Variants in FAM13A observed in about 807,000 individuals in gnomAD.
FAM13A encodes protein FAM13A.
In FAM13A, 76 loss-of-function variants were observed where a neutral mutation model predicts 129.6. The ratio of observed to expected loss-of-function variants is 0.59; its 90% CI spans 0.49 to 0.71. The LOEUF (loss-of-function observed/expected upper bound fraction) is 0.71. Ranked by LOEUF, FAM13A falls within the 30% of genes least tolerant of loss-of-function variation. The probability of loss-of-function intolerance (pLI) is 0.00; values close to 1 mark genes in which losing one functional copy is unlikely to be tolerated. For missense variants in FAM13A, 1,108 were observed against 1,249.3 expected, an observed-to-expected ratio of 0.89 and a Z score of 1.70; for synonymous variants, 443 against 449.9, an observed-to-expected ratio of 0.98 and a Z score of 0.20.
intron 4 of FAM13A, among the ~76,000 whole-genome samples, chr4:88,977,767 A>T (rs989244594): frequency 6.6e-6 from 1 of 152,216 alleles, no homozygotes; most frequent in Non-Finnish European, 1.5e-5. Flanking sequence ...GACTTGAAGC[A>T]TACTTACTAA....
At chr4:88,981,991 C>T (rs571864509) in intron 4 of FAM13A, among the ~76,000 whole-genome samples, 2 of 152,274 alleles carry the variant, frequency 1.3e-5, no homozygotes, top group East Asian at 3.9e-4. Flanking sequence ...GAGCAGGTGG[C>T]TTGTTGACCC....
chr4:88,731,981 A>G (rs1012117484), intron 22 of FAM13A, 21 bp downstream of exon 22: 2 of 1,576,518 alleles, frequency 1.3e-6, no homozygotes, highest in Admixed American at 3.7e-5. Flanking sequence ...ACATTTCACC[A>G]CCACCACCAA....
chr4:88,823,410 G>C, intron 7 of FAM13A: 1 of 825,046 alleles, frequency 1.2e-6, no homozygotes, highest in Non-Finnish European at 1.5e-6. Context: ...TCCTGCTCCT[G>C]CTCCTCAGTG....
At chr4:88,879,241 T>C (rs1466945344) in intron 6 of FAM13A, among the ~76,000 whole-genome samples, 1 of 152,178 alleles carries the variant, frequency 6.6e-6, no homozygotes, top group Non-Finnish European at 1.5e-5. Flanking sequence ...CTTTCACTAA[T>C]CCCTAGATGC....
intron 4 of FAM13A, among the ~76,000 whole-genome samples, chr4:88,980,466 C>A (rs1023737842): frequency 1.3e-5 from 2 of 152,188 alleles, no homozygotes; most frequent in African/African-American, 4.8e-5. Flanking sequence ...CAGCACAGAA[C>A]TACAGGCAAT....
chr4:89,043,195 G>C (rs1770387718), intron 1 of FAM13A, among the ~76,000 whole-genome samples: 1 of 152,184 alleles, frequency 6.6e-6, no homozygotes, highest in African/African-American at 2.4e-5. Flanking sequence ...ACAAGACTCA[G>C]CTGATTAGAG....
At chr4:88,887,064 T>C (rs1744545808) in intron 6 of FAM13A, among the ~76,000 whole-genome samples, 1 of 152,114 alleles carries the variant, frequency 6.6e-6, no homozygotes, top group Non-Finnish European at 1.5e-5. Flanking sequence ...TCAAACATCG[T>C]ATGTTCTCAT....
chr4:88,888,178 C>A (rs1264800637), intron 6 of FAM13A, among the ~76,000 whole-genome samples: 3 of 152,168 alleles, frequency 2.0e-5, no homozygotes, highest in Non-Finnish European at 4.4e-5. Flanking sequence ...GTTTCCAGTT[C>A]TTCTTTTTAA....
At chr4:89,032,244 C>CA (rs778575945) in intron 1 of FAM13A, among the ~76,000 whole-genome samples, 15,620 of 133,334 alleles carry the variant, frequency 0.12, 849 homozygotes, top group African/African-American at 0.16. Flanking sequence ...GACTCCGTCT[C>CA]AAAAAAAAAA....
intron 1 of FAM13A, among the ~76,000 whole-genome samples, chr4:89,030,251 T>C (rs1768518391): frequency 6.6e-6 from 1 of 152,100 alleles, no homozygotes; most frequent in African/African-American, 2.4e-5. Flanking sequence ...TTTAGGTAGT[T>C]GCAATTTTAA....
At chr4:88,781,512 G>A (rs2149617522) in intron 10 of FAM13A, among the ~76,000 whole-genome samples, 161 bp from the exon 11 acceptor site, 1 of 152,222 alleles carries the variant, frequency 6.6e-6, no homozygotes, top group Non-Finnish European at 1.5e-5. Context: ...TCCTGGGACT[G>A]CTTGGTGCCA....
chr4:88,748,169 G>A (rs187201749), intron 17 of FAM13A, among the ~76,000 whole-genome samples: 1 of 152,342 alleles, frequency 6.6e-6, no homozygotes, highest in African/African-American at 2.4e-5. Context: ...TGGGATTACA[G>A]GCGTGAGCCA....
At chr4:88,835,217 GT>G (rs921135315) in intron 7 of FAM13A, among the ~76,000 whole-genome samples, 34 of 152,082 alleles carry the variant, frequency 2.2e-4, no homozygotes, top group African/African-American at 8.0e-4. Flanking sequence ...CCCATCACTA[GT>G]TTTTGTTTAG....
chr4:88,946,082 C>T (rs898225141), intron 4 of FAM13A, among the ~76,000 whole-genome samples: 11 of 143,844 alleles, frequency 7.6e-5, no homozygotes, highest in African/African-American at 2.8e-4. Context: ...CTAGACAAGC[C>T]CCAGCCCATA....
At chr4:88,781,988 A>G (rs1723027839) in intron 10 of FAM13A, among the ~76,000 whole-genome samples, 1 of 136,334 alleles carries the variant, frequency 7.3e-6, no homozygotes, top group African/African-American at 2.6e-5. Flanking sequence ...CTTAAAGTAT[A>G]ATGATAATAA....
At chr4:88,809,748 T>C (rs17014601) in intron 7 of FAM13A, among the ~76,000 whole-genome samples, 11,005 of 151,912 alleles carry the variant, frequency 0.072, 660 homozygotes, top group East Asian at 0.29. Flanking sequence ...TTATCCACAG[T>C]CTCAGTCGTT....
At chr4:88,752,972 C>T (rs921800123) in intron 14 of FAM13A, among the ~76,000 whole-genome samples, 3 of 152,196 alleles carry the variant, frequency 2.0e-5, no homozygotes, top group African/African-American at 7.2e-5. Context: ...GGGGGCAGGG[C>T]ACGGAGCTTT....
chr4:89,013,840 T>C lies in FAM13A; in HGVS notation c.427+6620A>G, dbSNP rs530028967. On this transcript the variant is annotated intron_variant, in intron 3 of 23. Coordinates refer to ENST00000264344, the MANE Select transcript of FAM13A (RefSeq NM_014883.4). ...TGTTCTAACGCTGATGAGAAAAAAA[T>C]AATCAATTCCCAGCCAGAGCCACTG... Among the ~76,000 whole-genome samples the C allele has an allele frequency of 2.1e-3, 320 of 152,256 alleles. 1 individual carries two copies. Among genetic ancestry groups the C allele is most frequent in the Admixed American group, 9.9e-3 (152 of 15,292 alleles).
chr4:88,933,339 C>A (rs943498182), intron 5 of FAM13A, among the ~76,000 whole-genome samples: 4 of 152,046 alleles, frequency 2.6e-5, no homozygotes, highest in African/African-American at 9.7e-5. Flanking sequence ...ACAAGACAAA[C>A]CAGGCTCATA....
Sources: allele counts gnomAD v4.1 joint callset (sites outside exome capture counted in the v4.1 genomes callset), GRCh38; gene constraint gnomAD v4.1.1; transcripts MANE v1.5; gene names NCBI Gene and HGNC (gene_info 2026-07-23, HGNC 2026-07-21).